The following NFIB variants were observed in gnomAD, a reference collection of about 807,000 sequenced individuals.
NFIB encodes nuclear factor 1 B-type.
In NFIB, 11 loss-of-function variants were observed where a neutral mutation model predicts 61.5. That is an observed-to-expected ratio of 0.18 (90% CI 0.11 to 0.30). NFIB has a LOEUF of 0.30. Among genes scored for constraint, NFIB ranks in the 10% least tolerant of loss-of-function variants. The probability of loss-of-function intolerance (pLI) is 1.00; values close to 1 mark genes in which losing one functional copy is unlikely to be tolerated. For synonymous variants in NFIB, 260 were observed against 216.5 expected (o/e 1.20, Z -1.76); for missense variants, 471 against 608.9 (o/e 0.77, Z 2.38).
chr9:14,383,215 CTTAG>C (rs775378887), intron 1 of NFIB, among the ~76,000 whole-genome samples: 2 of 152,244 alleles, frequency 1.3e-5, no homozygotes, highest in African/African-American at 4.8e-5. Context: ...AGTTTAACTG[CTTAG>C]TTAGTCTGTT....
chr9:14,141,120 T>C (rs191556610), intron 6 of NFIB, among the ~76,000 whole-genome samples: 109 of 152,304 alleles, frequency 7.2e-4, no homozygotes, highest in African/African-American at 2.6e-3. Flanking sequence ...CTCTAGAAAG[T>C]GCAAACTGAA....
At chr9:14,436,435 T>G in the NFIB span, among the ~76,000 whole-genome samples, 63 of 152,356 alleles carry the variant, frequency 4.1e-4, no homozygotes, top group African/African-American at 1.3e-3. Context: ...GGTAAGGCTT[T>G]CATTTGGCAT....
At chr9:14,247,949 T>C (rs1463444632) in intron 2 of NFIB, among the ~76,000 whole-genome samples, 1 of 151,262 alleles carries the variant, frequency 6.6e-6, no homozygotes, top group Non-Finnish European at 1.5e-5. Flanking sequence ...TTTTTTTTTT[T>C]TGAGACAGGG....
the NFIB span, among the ~76,000 whole-genome samples, chr9:14,506,483 G>T: frequency 6.6e-6 from 1 of 152,080 alleles, no homozygotes; most frequent in Non-Finnish European, 1.5e-5. Context: ...GAAACGAACA[G>T]GATAAGAATT....
chr9:14,124,314 A>G (rs1162117963), intron 7 of NFIB, among the ~76,000 whole-genome samples: 1 of 152,200 alleles, frequency 6.6e-6, no homozygotes, highest in Non-Finnish European at 1.5e-5. Context: ...CAAACCTATG[A>G]AACAGTTACT....
rs572293243 is a variant in NFIB at position 14,175,365 on chromosome 9, G to A, written c.616+4362C>T. Reference sequence around the variant, plus strand: ...ATTTTTTTGTATTTTTAGTAGAGACGGGGTTTCACCATGTTAGCCAGAATG... The same window carrying A: ...ATTTTTTTGTATTTTTAGTAGAGACAGGGTTTCACCATGTTAGCCAGAATG... On this transcript the variant is annotated intron_variant, in intron 3 of 10. Coordinates refer to ENST00000380953, the MANE Select transcript of NFIB (RefSeq NM_001190737.2). Among the ~76,000 whole-genome samples, 8 of 151,668 alleles carry A rather than the reference G, an allele frequency of 5.3e-5. No homozygotes were observed. In the South Asian group the frequency reaches 1.5e-3, roughly 28 times the overall value.
chr9:14,247,803 T>C (rs2055101255), intron 2 of NFIB, among the ~76,000 whole-genome samples: 1 of 152,200 alleles, frequency 6.6e-6, no homozygotes, highest in South Asian at 2.1e-4. Flanking sequence ...GTCACCTCAT[T>C]AACAGTTTCA....
intron 2 of NFIB, among the ~76,000 whole-genome samples, chr9:14,240,086 T>C (rs1252972326): frequency 6.6e-6 from 1 of 152,188 alleles, no homozygotes; most frequent in African/African-American, 2.4e-5. Flanking sequence ...ATTTCTCAAA[T>C]AATACACTGG....
intron 1 of NFIB, among the ~76,000 whole-genome samples, chr9:14,309,318 T>C (rs925463103): frequency 1.3e-5 from 2 of 152,312 alleles, no homozygotes; most frequent in Admixed American, 1.3e-4. Context: ...TGTTAGCTGT[T>C]TGCACTTCAG....
chr9:14,283,979 T>C (rs1177648095), intron 2 of NFIB, among the ~76,000 whole-genome samples: 3 of 152,152 alleles, frequency 2.0e-5, no homozygotes, highest in Non-Finnish European at 2.9e-5. Flanking sequence ...CTTATAACCC[T>C]TGGAGATGCA....
chr9:14,237,763 AGT>A (rs71321971), intron 2 of NFIB, among the ~76,000 whole-genome samples: 3,198 of 84,840 alleles, frequency 0.038, 94 homozygotes, highest in Non-Finnish European at 0.044. Context: ...TAGGTATAAC[AGT>A]GTGTGTGTGT....
At chr9:14,152,101 C>A (rs538313665) in intron 4 of NFIB, among the ~76,000 whole-genome samples, 1 of 151,960 alleles carries the variant, frequency 6.6e-6, no homozygotes, top group Admixed American at 6.6e-5. Flanking sequence ...GAAGTAACCA[C>A]GGAATACACA....
chr9:14,484,231 C>T, the NFIB span, among the ~76,000 whole-genome samples: 1 of 152,186 alleles, frequency 6.6e-6, no homozygotes, highest in Non-Finnish European at 1.5e-5. Context: ...GTGAACTAAA[C>T]AGACAAAATC....
At chr9:14,490,805 A>G in the NFIB span, among the ~76,000 whole-genome samples, 1 of 152,210 alleles carries the variant, frequency 6.6e-6, no homozygotes, top group Non-Finnish European at 1.5e-5. Flanking sequence ...GTTCTTTTAC[A>G]CTGCTGGTAG....
At chr9:14,263,800 A>G (rs1038161699) in intron 2 of NFIB, among the ~76,000 whole-genome samples, 1 of 152,220 alleles carries the variant, frequency 6.6e-6, no homozygotes, top group Non-Finnish European at 1.5e-5. Flanking sequence ...TAAAAGTGAA[A>G]GTATATGGCG....
intron 2 of NFIB, among the ~76,000 whole-genome samples, chr9:14,187,019 GTGTGTGTA>G (rs775002241): frequency 0.12 from 1,846 of 15,396 alleles, 25 homozygotes; most frequent in Non-Finnish European, 0.24. Flanking sequence ...GTGTGTGTGT[GTGTGTGTA>G]TGTGTGTGTG....
At chr9:14,379,657 T>G (rs1245741240) in intron 1 of NFIB, among the ~76,000 whole-genome samples, 1 of 152,140 alleles carries the variant, frequency 6.6e-6, no homozygotes, top group Non-Finnish European at 1.5e-5. Flanking sequence ...CTTCTTTTTC[T>G]TCTTAGGTTA....
chr9:14,414,197 G>A, the NFIB span, among the ~76,000 whole-genome samples: 1 of 152,004 alleles, frequency 6.6e-6, no homozygotes, highest in Non-Finnish European at 1.5e-5. Context: ...TAGCACTTTG[G>A]GAGGCCAAGG....
At chr9:14,102,991 C>G (rs1464601424) in intron 10 of NFIB, among the ~76,000 whole-genome samples, 1 of 152,186 alleles carries the variant, frequency 6.6e-6, no homozygotes, top group East Asian at 1.9e-4. Context: ...AACATTCGCC[C>G]TAACTTGTGT....
Sources: allele counts gnomAD v4.1 joint callset (sites outside exome capture counted in the v4.1 genomes callset), GRCh38; gene constraint gnomAD v4.1.1; transcripts MANE v1.5; gene names NCBI Gene and HGNC (gene_info 2026-07-23, HGNC 2026-07-21).